KPNA6: variants seen among roughly 807,000 people sequenced by gnomAD.
KPNA6 encodes the protein importin subunit alpha-7.
In KPNA6, 9 loss-of-function variants were observed where a neutral mutation model predicts 72.0. That is an observed-to-expected ratio of 0.13 (90% CI 0.08 to 0.22). The LOEUF (loss-of-function observed/expected upper bound fraction) is 0.22, where lower values mean the gene tolerates loss of function less well. Ranked by LOEUF, KPNA6 falls within the 10% of genes least tolerant of loss-of-function variation. The pLI is 1.00. For synonymous variants in KPNA6, 219 were observed against 242.1 expected (o/e 0.90, Z 0.89); for missense variants, 374 against 655.7 (o/e 0.57, Z 4.69).
chr1:32,117,790 AAT>A (rs1641354261), intron 1 of KPNA6, among the ~76,000 whole-genome samples: 1 of 152,138 alleles, frequency 6.6e-6, no homozygotes, highest in Non-Finnish European at 1.5e-5. Context: ...ATTCATAGCT[AAT>A]ACATGGAAGA....
In KPNA6 at chr1:32,169,915, A is replaced by G. The variant is rs760954120; in HGVS notation, c.1278A>G (p.Leu426=). Residue 426 remains leucine, a synonymous_variant, in exon 13 of 14, where the codon CTA becomes CTG. Coordinates refer to ENST00000373625, the MANE Select transcript of KPNA6 (RefSeq NM_012316.5). ...YLVSLGCIKP[L]CDLLTVMDSK... is the part of the protein sequence containing the mutation. Reference sequence around the variant, plus strand: ...TCTCACTGGGCTGCATCAAACCCCTATGTGACTTGCTGACTGTAATGGATT... The same window carrying G: ...TCTCACTGGGCTGCATCAAACCCCTGTGTGACTTGCTGACTGTAATGGATT... 21 of 1,613,910 alleles carry G rather than the reference A, an allele frequency of 1.3e-5. No homozygotes were observed. In the Admixed American group the frequency reaches 2.2e-4, roughly 17 times the overall value.
intron 1 of KPNA6, among the ~76,000 whole-genome samples, chr1:32,150,104 A>G (rs1642001361): frequency 2.2e-5 from 3 of 135,508 alleles, no homozygotes; most frequent in African/African-American, 8.1e-5. Flanking sequence ...GGTTAATGGG[A>G]TTAGATCTGG....
chr1:32,148,321 T>C (rs542122589), intron 1 of KPNA6, among the ~76,000 whole-genome samples: 4 of 152,072 alleles, frequency 2.6e-5, no homozygotes, highest in African/African-American at 9.6e-5. Flanking sequence ...TGTTTTTTTT[T>C]AGTATAGACA....
In KPNA6 at chr1:32,156,041, G is replaced by A. The variant is rs570052327; in HGVS notation, c.139-812G>A. On this transcript the variant is annotated intron_variant, in intron 2 of 13. Coordinates refer to ENST00000373625, the MANE Select transcript of KPNA6 (RefSeq NM_012316.5). ...CAGAGTGCTGGGATTGCAGGCATGC[G>A]CCACTGTGCCTGGCCAACCTAACCT... Among the ~76,000 whole-genome samples the A allele has an allele frequency of 1.4e-4, 21 of 149,648 alleles. No individual in the cohort carries two copies. The East Asian group carries it at 1.8e-3, about 13-fold the overall frequency.
intron 1 of KPNA6, among the ~76,000 whole-genome samples, chr1:32,114,248 T>G (rs1641289421): frequency 6.6e-6 from 1 of 152,032 alleles, no homozygotes; most frequent in South Asian, 2.1e-4. Flanking sequence ...GAGACCAGCC[T>G]GGCCAATGTG....
intron 1 of KPNA6, among the ~76,000 whole-genome samples, chr1:32,141,458 C>T (rs1334476717): frequency 8.0e-6 from 1 of 125,048 alleles, no homozygotes. Context: ...AGTGCAGTGG[C>T]GCGATCTTGG....
At chr1:32,144,175 G>T (rs1338811355) in intron 1 of KPNA6, among the ~76,000 whole-genome samples, 1 of 152,048 alleles carries the variant, frequency 6.6e-6, no homozygotes, top group Non-Finnish European at 1.5e-5. Flanking sequence ...TGCACTTTGG[G>T]GCCATTATTA....
At position 32,108,934 on chromosome 1, in the gene KPNA6, G is replaced by C. The variant is rs79902012; in HGVS notation, c.4+800G>C. Among the ~76,000 whole-genome samples the C allele has an allele frequency of 6.8e-3, 1,029 of 152,282 alleles. 11 individuals are homozygous for C. The highest frequency in any genetic ancestry group is 0.024 in the African/African-American group (992 of 41,560). On this transcript the variant is annotated intron_variant, in intron 1 of 13. Coordinates refer to ENST00000373625, the MANE Select transcript of KPNA6 (RefSeq NM_012316.5). ...TGGATTTAGAGACAGAACCAACAGT[G>C]GTAATTCCTCTAAAGCAGTAAAAAT...
At chr1:32,112,520 G>A (rs1641258550) in intron 1 of KPNA6, among the ~76,000 whole-genome samples, 1 of 151,890 alleles carries the variant, frequency 6.6e-6, no homozygotes, top group South Asian at 2.1e-4. Context: ...AGACAGGCTG[G>A]CCCTGTCTGT....
rs549713125 is a variant in KPNA6, at chr1:32,159,230, T to G, written c.427-170T>G. Among the ~76,000 whole-genome samples the G allele has an allele frequency of 4.6e-5, 7 of 152,320 alleles. No individual in the cohort carries two copies. The East Asian group carries it at 1.3e-3, about 29-fold the overall frequency. The stretch of plus-strand genomic sequence containing the variant: ...AGACGGGAGGGGAAAGGCTTGTATT[T>G]TATGTGTGTGTGTTTTAAATTCGTG... On this transcript the variant is annotated intron_variant, in intron 5 of 13. Transcript: ENST00000373625.
chr1:32,164,745 G>T (rs1570070975), intron 10 of KPNA6, among the ~76,000 whole-genome samples: 1 of 132,920 alleles, frequency 7.5e-6, no homozygotes, highest in Admixed American at 7.5e-5. Context: ...TGTTTTAATT[G>T]GGTTGTTGAG....
At chr1:32,154,538 G>T in intron 1 of KPNA6, 50 bp from the exon 2 acceptor site, 1 of 1,594,448 alleles carries the variant, frequency 6.3e-7, no homozygotes, top group Middle Eastern at 1.7e-4. Flanking sequence ...TAGTGAAAAG[G>T]AAATGCTGTC....
intron 1 of KPNA6, among the ~76,000 whole-genome samples, chr1:32,152,057 T>A (rs1026049567): frequency 2.6e-5 from 4 of 152,326 alleles, no homozygotes; most frequent in Admixed American, 2.0e-4. Flanking sequence ...ATGATGGGCA[T>A]GGTGGCTCAT....
intron 1 of KPNA6, among the ~76,000 whole-genome samples, chr1:32,126,736 G>T (rs1458338786): frequency 6.6e-6 from 1 of 152,096 alleles, no homozygotes; most frequent in African/African-American, 2.4e-5. Context: ...AATGAGTAAT[G>T]ATTGGAATTG....
At chr1:32,135,945 A>G (rs1263928968) in intron 1 of KPNA6, among the ~76,000 whole-genome samples, 1 of 152,164 alleles carries the variant, frequency 6.6e-6, no homozygotes, top group Non-Finnish European at 1.5e-5. Context: ...TAAAAATAAT[A>G]GGACTTCTTT....
chr1:32,134,335 CAA>C (rs1376774109), intron 1 of KPNA6, among the ~76,000 whole-genome samples: 6 of 150,804 alleles, frequency 4.0e-5, no homozygotes, highest in Admixed American at 6.6e-5. Context: ...TCCAGATAAA[CAA>C]AAGCTTAGGG....
intron 11 of KPNA6, among the ~76,000 whole-genome samples, chr1:32,166,786 A>G (rs1441202431): frequency 1.3e-5 from 2 of 150,130 alleles, no homozygotes. Context: ...AAAAAAAGAA[A>G]AATTAGCCGG....
At chr1:32,163,402 G>A in intron 10 of KPNA6, 89 bp downstream of exon 10, 2 of 921,216 alleles carry the variant, frequency 2.2e-6, no homozygotes, top group Non-Finnish European at 3.5e-6. Context: ...CCTGCAAAGG[G>A]CTGTGGTCCT....
rs1003952423 is a variant in KPNA6, at chr1:32,171,856, C to CATA, written c.*962_*963insATA. On this transcript the variant is annotated 3_prime_UTR_variant, in exon 14 of 14. Transcript: ENST00000373625. Reference sequence around the variant, plus strand: ...TTTCTCCTAAGCTTGAGATAGGGGGCTGTGGTCCTTCCTTTCTCCTGAGGA... The same window carrying CATA: ...TTTCTCCTAAGCTTGAGATAGGGGGCATATGTGGTCCTTCCTTTCTCCTGAGGA... 5 of 152,146 alleles carry CATA rather than the reference C, an allele frequency of 3.3e-5. No individual in the cohort carries two copies. Among genetic ancestry groups the CATA allele is most frequent in the African/African-American group, 1.2e-4 (5 of 41,438 alleles). 9.4% of individuals were successfully genotyped at this position (152,146 alleles called of 1,614,324 possible).
Sources: gnomAD v4.1 joint callset for allele counts (sites outside exome capture counted in the v4.1 genomes callset) on GRCh38, gnomAD v4.1.1 for gene constraint, MANE v1.5 for transcripts, NCBI Gene and HGNC (gene_info 2026-07-23, HGNC 2026-07-21) for gene names.